TMEM114: variants seen among roughly 807,000 people sequenced by gnomAD.
The protein encoded by TMEM114 is transmembrane protein 114.
In TMEM114, 6 loss-of-function variants were observed where a neutral mutation model predicts 6.2. The ratio of observed to expected loss-of-function variants is 0.97; its 90% CI spans 0.53 to 1.91. TMEM114 has a LOEUF of 1.91. TMEM114 is among the 40% of genes most tolerant of loss of function. The pLI, the probability that TMEM114 is intolerant of heterozygous loss-of-function variation, is 0.01. For synonymous variants in TMEM114, 104 were observed against 73.0 expected (o/e 1.42, Z -2.16); for missense variants, 218 against 158.3 (o/e 1.38, Z -2.02).
At chr16:8,554,167 A>G (rs1900933103) in intron 2 of TMEM114, among the ~76,000 whole-genome samples, 1 of 152,072 alleles carries the variant, frequency 6.6e-6, no homozygotes, top group Admixed American at 6.6e-5. Flanking sequence ...ACAGAACAAT[A>G]AGAGATGCAT....
chr16:8,561,757 A>G lies in TMEM114; in HGVS notation n.213-23931T>C, dbSNP rs1328931930. On this transcript the variant is annotated intron_variant and non_coding_transcript_variant, in intron 2 of 2. Transcript: ENST00000623677. ...AGGCAATGAGTGGGGGAATGAATGA[A>G]TGAATGAGTGAGTGAGGTAATGAGT... is the stretch of plus-strand genomic sequence containing the variant. 2.6e-5 allele frequency among the ~76,000 whole-genome samples: 4 copies of G among 152,008 alleles called. No individual in the cohort carries two copies. The East Asian group carries it at 5.8e-4, about 22-fold the overall frequency.
chr16:8,527,545 T>TC, the TMEM114 span, among the ~76,000 whole-genome samples: 2 of 151,496 alleles, frequency 1.3e-5, no homozygotes, highest in Non-Finnish European at 2.9e-5. Flanking sequence ...GTAGTAAGAT[T>TC]TTTTTTAATC....
chr16:8,544,541 G>C (rs920707064), intron 2 of TMEM114, among the ~76,000 whole-genome samples: 2 of 152,196 alleles, frequency 1.3e-5, no homozygotes, highest in Non-Finnish European at 2.9e-5. Flanking sequence ...ATGTGAATGA[G>C]CAGTCGGTAG....
chr16:8,587,352 T>G (rs1902348829), intron 2 of TMEM114, among the ~76,000 whole-genome samples: 1 of 152,242 alleles, frequency 6.6e-6, no homozygotes, highest in African/African-American at 2.4e-5. Context: ...TATTGGGAAT[T>G]CAGCAGTGGC....
intron 2 of TMEM114, among the ~76,000 whole-genome samples, chr16:8,544,598 G>C (rs1295683073): frequency 6.6e-6 from 1 of 152,172 alleles, no homozygotes; most frequent in Non-Finnish European, 1.5e-5. Flanking sequence ...AAGACTCTTA[G>C]GAACAGACGT....
At chr16:8,552,056 G>C (rs1220644910) in intron 2 of TMEM114, among the ~76,000 whole-genome samples, 1 of 152,108 alleles carries the variant, frequency 6.6e-6, no homozygotes, top group African/African-American at 2.4e-5. Context: ...GAGGACAGAG[G>C]AGTGATTTCC....
intron 2 of TMEM114, among the ~76,000 whole-genome samples, chr16:8,551,661 C>T (rs1339249341): frequency 6.6e-6 from 1 of 152,220 alleles, no homozygotes; most frequent in African/African-American, 2.4e-5. Flanking sequence ...GACAAAAATT[C>T]ATCTTTTCAA....
intron 2 of TMEM114, among the ~76,000 whole-genome samples, chr16:8,553,379 G>A (rs1276601721): frequency 6.6e-6 from 1 of 152,218 alleles, no homozygotes; most frequent in Non-Finnish European, 1.5e-5. Context: ...AAAGAATCAG[G>A]AGATGAAGAT....
downstream of TMEM114, among the ~76,000 whole-genome samples, chr16:8,566,873 G>C (rs1901563155): frequency 6.9e-6 from 1 of 145,956 alleles, no homozygotes; most frequent in Non-Finnish European, 1.5e-5. Flanking sequence ...ATCTCTACCA[G>C]ACACCTTTCA....
chr16:8,569,724 A>T lies in TMEM114; in HGVS notation c.*49T>A, dbSNP rs1334474078. 6.6e-7 allele frequency: 1 copy of T among 1,506,296 alleles called. No individual in the cohort carries two copies. Among genetic ancestry groups the T allele is most frequent in the Non-Finnish European group, 8.9e-7 (1 of 1,122,086 alleles). The allele number at this position is 1,506,296 out of a possible 1,614,324, so 93.3% of individuals were successfully genotyped here. A position where few individuals can be genotyped will look rare whatever the true frequency, so the allele number is the denominator to read the frequency against. Reference sequence around the variant, plus strand: ...GCAGCCGATGGAGATCGGTCGGTGAAGCTCCGGGGCCAAGCCCCTCCCTCC... The same window carrying T: ...GCAGCCGATGGAGATCGGTCGGTGATGCTCCGGGGCCAAGCCCCTCCCTCC... On this transcript the variant is annotated 3_prime_UTR_variant, in exon 4 of 4. Coordinates refer to ENST00000620492, the MANE Select transcript of TMEM114 (RefSeq NM_001146336.2).
intron 2 of TMEM114, among the ~76,000 whole-genome samples, chr16:8,540,241 A>T (rs1900476828): frequency 6.6e-6 from 1 of 152,330 alleles, no homozygotes; most frequent in African/African-American, 2.4e-5. Context: ...GATTAAGGAT[A>T]CAGTGATGAA....
intron 2 of TMEM114, among the ~76,000 whole-genome samples, chr16:8,560,081 C>T (rs866004255): frequency 1.3e-5 from 2 of 152,162 alleles, no homozygotes; most frequent in East Asian, 1.9e-4. Flanking sequence ...ACTGCAGCCT[C>T]GACCTCCTAG....
chr16:8,556,433 G>A (rs1308513607), intron 2 of TMEM114, among the ~76,000 whole-genome samples: 2 of 152,148 alleles, frequency 1.3e-5, no homozygotes, highest in African/African-American at 4.8e-5. Context: ...CTAGATGGTG[G>A]CAATGGTTGC....
chr16:8,541,843 C>T (rs142212202), intron 2 of TMEM114, among the ~76,000 whole-genome samples: 5 of 152,214 alleles, frequency 3.3e-5, no homozygotes, highest in African/African-American at 9.6e-5. Context: ...TTCTGCAGGG[C>T]CCAAGAGTTC....
intron 3 of TMEM114, among the ~76,000 whole-genome samples, chr16:8,570,575 G>T (rs1036752784): frequency 2.6e-5 from 4 of 152,090 alleles, no homozygotes; most frequent in African/African-American, 9.7e-5. Flanking sequence ...CAAGTGATCC[G>T]CCTGTCTCTG....
intron 2 of TMEM114, among the ~76,000 whole-genome samples, chr16:8,554,356 G>C (rs766620033): frequency 3.3e-5 from 5 of 151,990 alleles, no homozygotes; most frequent in Non-Finnish European, 7.4e-5. Flanking sequence ...AGGAGTTCAA[G>C]ACTGCAGTGA....
chr16:8,564,156 A>G (rs1022056894), intron 2 of TMEM114, among the ~76,000 whole-genome samples: 2 of 151,326 alleles, frequency 1.3e-5, no homozygotes, highest in African/African-American at 2.5e-5. Flanking sequence ...TGAATGAGTT[A>G]GTGAATGAGT....
chr16:8,574,606 T>TTTCTTTC (rs71396281), intron 2 of TMEM114, among the ~76,000 whole-genome samples: 28 of 151,150 alleles, frequency 1.9e-4, no homozygotes, highest in East Asian at 3.9e-4. Context: ...TCTTTCTTTC[T>TTTCTTTC]TTTTCAGGGA....
At chr16:8,540,357 C>A (rs1467617813) in intron 2 of TMEM114, among the ~76,000 whole-genome samples, 2 of 152,140 alleles carry the variant, frequency 1.3e-5, no homozygotes, top group African/African-American at 4.8e-5. Flanking sequence ...GATCGCTCGC[C>A]TGCTGGGTAT....
Sources: allele counts gnomAD v4.1 joint callset (sites outside exome capture counted in the v4.1 genomes callset), GRCh38; gene constraint gnomAD v4.1.1; transcripts MANE v1.5; gene names NCBI Gene and HGNC (gene_info 2026-07-23, HGNC 2026-07-21).